Variants in DYNLL1 observed in about 807,000 individuals in gnomAD.
DYNLL1 encodes dynein light chain 1, cytoplasmic.
DYNLL1 carries 3 observed loss-of-function variants against 10.1 expected under a neutral mutation model. That is an observed-to-expected ratio of 0.30 (90% CI 0.14 to 0.77). DYNLL1 has a LOEUF of 0.77. Ranked by LOEUF, DYNLL1 falls within the 30% of genes least tolerant of loss-of-function variation. DYNLL1 has a pLI of 0.66. For synonymous variants in DYNLL1, 46 were observed against 41.2 expected, an observed-to-expected ratio of 1.12 and a Z score of -0.45; for missense variants, 47 against 111.7, an observed-to-expected ratio of 0.42 and a Z score of 2.61.
At chr12:120,478,243 G>T (rs1353176221) in intron 1 of DYNLL1, among the ~76,000 whole-genome samples, 2 of 151,970 alleles carry the variant, frequency 1.3e-5, no homozygotes, top group Admixed American at 1.3e-4. Flanking sequence ...GAGTAGCTGG[G>T]ATTACAGGCA....
intron 1 of DYNLL1, among the ~76,000 whole-genome samples, chr12:120,471,002 G>A (rs1157325485): frequency 6.6e-6 from 1 of 152,040 alleles, no homozygotes; most frequent in African/African-American, 2.4e-5. Context: ...CCGAGATCAT[G>A]CCACTGCACT....
chr12:120,472,135 T>G (rs771040133), intron 1 of DYNLL1, among the ~76,000 whole-genome samples: 9 of 152,132 alleles, frequency 5.9e-5, no homozygotes, highest in Non-Finnish European at 1.5e-5. Flanking sequence ...TTGAAAGTGG[T>G]GTTTAATGTA....
At chr12:120,496,740 A>ATT in intron 2 of DYNLL1, 187 bp downstream of exon 2, 23 of 710,186 alleles carry the variant, frequency 3.2e-5, no homozygotes, top group Non-Finnish European at 4.4e-5. Context: ...CGGCGTCCGA[A>ATT]GTTTTTTTTT....
chr12:120,478,841 C>T (rs569521302), intron 1 of DYNLL1, among the ~76,000 whole-genome samples: 18 of 149,838 alleles, frequency 1.2e-4, no homozygotes, highest in East Asian at 4.3e-4. Context: ...CCCGCCACCA[C>T]GCCCAGCTAA....
chr12:120,495,244 C>T (rs1339419662), upstream of DYNLL1: 1 of 152,110 alleles, frequency 6.6e-6, no homozygotes, highest in East Asian at 1.9e-4. Flanking sequence ...AATACCTCCT[C>T]CTCAGAGATA....
chr12:120,496,192 C>G lies in DYNLL1; in HGVS notation c.-31C>G. 1 of 636,002 alleles carries G rather than the reference C, an allele frequency of 1.6e-6. No homozygotes were observed. The highest frequency in any genetic ancestry group is 2.7e-6 in the Non-Finnish European group (1 of 368,208). The allele number at this position is 636,002 out of a possible 1,614,324, so 39.4% of individuals were successfully genotyped here. ...TAGCACCTCCCCCAGGAGACCGTTG[C>G]AGTCGGCCAGCCCCCTTCTCCACGG... On this transcript the variant is annotated 5_prime_UTR_variant, in exon 1 of 3. Coordinates refer to ENST00000242577, the MANE Select transcript of DYNLL1 (RefSeq NM_003746.3).
intron 1 of DYNLL1, chr12:120,490,806 C>T (rs1409936856): frequency 6.6e-6 from 1 of 152,180 alleles, no homozygotes; most frequent in Non-Finnish European, 1.5e-5. Context: ...ACAAAAAAAA[C>T]TTTCTGGCCC....
In DYNLL1 at chr12:120,498,216, T is replaced by C; in HGVS notation, c.*6T>C. The C allele has an allele frequency of 1.9e-6, 3 of 1,610,544 alleles. No individual in the cohort carries two copies. The South Asian group carries it at 3.3e-5, about 18-fold the overall frequency. On this transcript the variant is annotated 3_prime_UTR_variant, in exon 3 of 3. Coordinates refer to ENST00000242577, the MANE Select transcript of DYNLL1 (RefSeq NM_003746.3). ...TTCTGTTCAAATCTGGTTAAAAGCA[T>C]GGACTGTGCCACACACCCAGTGATC...
At chr12:120,479,449 CAAA>C (rs71076617) in intron 1 of DYNLL1, among the ~76,000 whole-genome samples, 1,807 of 75,942 alleles carry the variant, frequency 0.024, 25 homozygotes, top group Middle Eastern at 0.073. Flanking sequence ...ACTCCGTCTC[CAAA>C]AAAAAAAAAA....
chr12:120,497,849 C>T, intron 2 of DYNLL1: 1 of 543,572 alleles, frequency 1.8e-6, no homozygotes, highest in Non-Finnish European at 3.3e-6. Context: ...GACCTTTCGT[C>T]CTTTGACCTC....
chr12:120,476,880 G>A (rs966880235), intron 1 of DYNLL1, among the ~76,000 whole-genome samples: 5 of 151,954 alleles, frequency 3.3e-5, no homozygotes, highest in Non-Finnish European at 7.4e-5. Flanking sequence ...CCAAAGTGCT[G>A]GGATTACAGG....
intron 1 of DYNLL1, among the ~76,000 whole-genome samples, chr12:120,474,573 T>C (rs753890899): frequency 1.3e-5 from 2 of 152,134 alleles, no homozygotes; most frequent in African/African-American, 4.8e-5. Flanking sequence ...CAAAAACCTA[T>C]TGAAATAAAA....
At chr12:120,495,959 G>A (rs1424668176), upstream of DYNLL1, 3 of 219,476 alleles carry the variant, frequency 1.4e-5, no homozygotes, top group South Asian at 6.6e-5. Flanking sequence ...CAAAATGCAG[G>A]AGAAAGATCC....
In DYNLL1 at chr12:120,496,492, G is replaced by A. The variant is rs755129201; in HGVS notation, c.71G>A (p.Cys24Tyr). Residue 24 changes from cysteine to tyrosine, a missense_variant, in exon 2 of 3, where the codon TGC becomes TAC. Cys to Tyr is a radical substitution (Grantham distance 194, BLOSUM62 -2). Coordinates refer to ENST00000242577, the MANE Select transcript of DYNLL1 (RefSeq NM_003746.3). ...GAGATGCAACAGGACTCGGTGGAGT[G>A]CGCTACTCAGGCGCTGGAGAAATAC... ...SEEMQQDSVE[C>Y]ATQALEKYNI... The A allele has an allele frequency of 1.2e-6, 2 of 1,614,216 alleles. No homozygotes were observed. Among genetic ancestry groups the A allele is most frequent in the Non-Finnish European group, 1.7e-6 (2 of 1,180,044 alleles).
At chr12:120,474,056 G>C (rs1878704604) in intron 1 of DYNLL1, among the ~76,000 whole-genome samples, 1 of 151,896 alleles carries the variant, frequency 6.6e-6, no homozygotes, top group Non-Finnish European at 1.5e-5. Flanking sequence ...TGTGACTGGG[G>C]CAAGGAGTTC....
intron 1 of DYNLL1, among the ~76,000 whole-genome samples, chr12:120,489,962 G>A (rs778988309): frequency 6.6e-6 from 1 of 152,210 alleles, no homozygotes; most frequent in Non-Finnish European, 1.5e-5. Flanking sequence ...TGCCCAGGCT[G>A]GTCCCGAACT....
At chr12:120,491,908 T>A (rs1879141151), upstream of DYNLL1, 3 of 152,166 alleles carry the variant, frequency 2.0e-5, no homozygotes, top group South Asian at 6.2e-4. Context: ...AGGGAGCTCC[T>A]GCCAGGGGCC....
upstream of DYNLL1, among the ~76,000 whole-genome samples, chr12:120,494,607 G>A (rs891534802): frequency 6.6e-6 from 1 of 152,006 alleles, no homozygotes; most frequent in Non-Finnish European, 1.5e-5. Context: ...GGAGTTGTGT[G>A]CCTCTGCTCA....
At chr12:120,476,250 G>A (rs1274571831) in intron 1 of DYNLL1, among the ~76,000 whole-genome samples, 2 of 151,246 alleles carry the variant, frequency 1.3e-5, no homozygotes, top group Non-Finnish European at 2.9e-5. Flanking sequence ...TTCAGTAATG[G>A]CACCTCCAAG....
Sources: allele counts gnomAD v4.1 joint callset (sites outside exome capture counted in the v4.1 genomes callset), GRCh38; gene constraint gnomAD v4.1.1; transcripts MANE v1.5; gene names NCBI Gene and HGNC (gene_info 2026-07-23, HGNC 2026-07-21).